TRPC1: variants seen among roughly 807,000 people sequenced by gnomAD.
TRPC1 encodes the protein transient receptor potential cation channel subfamily C member 1.
In TRPC1, 42 loss-of-function variants were observed where a neutral mutation model predicts 88.2. That is an observed-to-expected ratio of 0.48 (90% CI 0.37 to 0.62). The LOEUF (loss-of-function observed/expected upper bound fraction) is 0.62. TRPC1 is among the 20% of genes least tolerant of loss of function. The pLI, the probability that TRPC1 is intolerant of heterozygous loss-of-function variation, is 0.00. For missense variants in TRPC1, 699 were observed against 957.3 expected (o/e 0.73, Z 3.56); for synonymous variants, 288 against 331.8 (o/e 0.87, Z 1.43).
chr3:142,781,617 T>G (rs1294024050), intron 6 of TRPC1, among the ~76,000 whole-genome samples: 1 of 152,148 alleles, frequency 6.6e-6, no homozygotes, highest in Non-Finnish European at 1.5e-5. Flanking sequence ...TATTAAGAGA[T>G]ATGCCCATTT....
chr3:142,772,648 A>C (rs1935617790), intron 4 of TRPC1, among the ~76,000 whole-genome samples: 2 of 151,404 alleles, frequency 1.3e-5, no homozygotes, highest in Admixed American at 1.3e-4. Flanking sequence ...TTAGCCAGGC[A>C]TGGTGGCGCA....
intron 7 of TRPC1, among the ~76,000 whole-genome samples, chr3:142,786,407 A>G (rs1553807544): frequency 6.6e-6 from 1 of 152,146 alleles, no homozygotes; most frequent in Non-Finnish European, 1.5e-5. Context: ...AGGTAACTAG[A>G]TTGTAATTAG....
chr3:142,755,647 A>G (rs1196460112), intron 4 of TRPC1, among the ~76,000 whole-genome samples: 2 of 152,116 alleles, frequency 1.3e-5, no homozygotes, highest in Non-Finnish European at 2.9e-5. Context: ...GTTGAACCAT[A>G]TGAAATTAGT....
intron 3 of TRPC1, among the ~76,000 whole-genome samples, chr3:142,745,524 A>G (rs1934512129): frequency 6.6e-6 from 1 of 152,120 alleles, no homozygotes. Context: ...TGCACCTGTC[A>G]TCCCAGTTAC....
chr3:142,729,198 C>T (rs1225618295), intron 1 of TRPC1, among the ~76,000 whole-genome samples: 1 of 152,176 alleles, frequency 6.6e-6, no homozygotes, highest in Admixed American at 6.5e-5. Context: ...ACTAGTAATT[C>T]AGCAGCTAGC....
chr3:142,741,942 C>A (rs896196171), intron 2 of TRPC1, among the ~76,000 whole-genome samples: 1 of 152,096 alleles, frequency 6.6e-6, no homozygotes, highest in Non-Finnish European at 1.5e-5. Flanking sequence ...GTGGGTGGAT[C>A]TCTTGAGGTT....
At chr3:142,791,642 C>T (rs1422902449) in intron 8 of TRPC1, among the ~76,000 whole-genome samples, 1 of 151,838 alleles carries the variant, frequency 6.6e-6, no homozygotes, top group Non-Finnish European at 1.5e-5. Context: ...AAAATGAGAA[C>T]AAAGTAACTT....
chr3:142,751,768 C>G (rs1934773023), intron 4 of TRPC1, among the ~76,000 whole-genome samples: 1 of 152,146 alleles, frequency 6.6e-6, no homozygotes. Context: ...ACCTTAAGAA[C>G]AAACCTTTGA....
chr3:142,732,299 G>T (rs963637284), intron 1 of TRPC1, among the ~76,000 whole-genome samples: 2 of 152,142 alleles, frequency 1.3e-5, no homozygotes, highest in African/African-American at 4.8e-5. Context: ...CTGTCTTCAG[G>T]TGTTGGCTGG....
At chr3:142,747,704 T>C (rs1171979614) in intron 3 of TRPC1, among the ~76,000 whole-genome samples, 1 of 152,230 alleles carries the variant, frequency 6.6e-6, no homozygotes, top group Non-Finnish European at 1.5e-5. Context: ...TTGGCGTTTA[T>C]AGTAGGAAGT....
rs529000092 is a variant in TRPC1, at chr3:142,753,487, C to T, written c.632+5027C>T. Among the ~76,000 whole-genome samples the T allele has an allele frequency of 2.8e-4, 43 of 152,128 alleles. No individual in the cohort carries two copies. The South Asian group carries it at 3.3e-3, about 12-fold the overall frequency. ...GTTAACAAAATTAGTAAAAAGAGAC[C>T]GGGCGCGGTGGCTCACGCCTGTAAT... On this transcript the variant is annotated intron_variant, in intron 4 of 12. Coordinates refer to ENST00000476941, the MANE Select transcript of TRPC1 (RefSeq NM_001251845.2).
rs2108171797 is a variant in TRPC1 at position 142,806,182 on chromosome 3, G to A, written c.2329G>A (p.Asp777Asn). The A allele has an allele frequency of 6.2e-7, 1 of 1,613,276 alleles. No individual in the cohort carries two copies. ...DLSKFRNEIR[D>N]LLGFRTSKYA... Reference sequence around the variant, plus strand: ...GTCAAAATTCCGAAATGAAATAAGGGATTTACTTGGCTTTCGGACTTCTAA... The same window carrying A: ...GTCAAAATTCCGAAATGAAATAAGGAATTTACTTGGCTTTCGGACTTCTAA... Residue 777 changes from aspartate to asparagine, a missense_variant, in exon 13 of 13, where the codon GAT (aspartate) becomes AAT (asparagine). Around this residue, in one of 4 missense-constraint regions of TRPC1, gnomAD observed 105 missense variants for 141.7 expected, o/e 0.74. Transcript: ENST00000476941.
chr3:142,780,292 A>G (rs1369607841), intron 5 of TRPC1, among the ~76,000 whole-genome samples: 2 of 152,200 alleles, frequency 1.3e-5, no homozygotes, highest in Non-Finnish European at 2.9e-5. Context: ...GGCGCATTTT[A>G]ATATCTTTCT....
chr3:142,756,333 A>G (rs1934961208), intron 4 of TRPC1, among the ~76,000 whole-genome samples: 1 of 150,792 alleles, frequency 6.6e-6, no homozygotes, highest in South Asian at 2.1e-4. Flanking sequence ...AAACAGTTTA[A>G]CATTTTTACT....
At chr3:142,786,241 A>AAGT (rs1178100363) in intron 7 of TRPC1, among the ~76,000 whole-genome samples, 2 of 152,304 alleles carry the variant, frequency 1.3e-5, no homozygotes, top group South Asian at 4.1e-4. Context: ...CTATGGCACA[A>AAGT]AGTACTGAGT....
chr3:142,749,020 A>G (rs1050722091), intron 4 of TRPC1, among the ~76,000 whole-genome samples: 5 of 152,214 alleles, frequency 3.3e-5, no homozygotes, highest in African/African-American at 1.2e-4. Flanking sequence ...TATAAGATAC[A>G]TGGTGCTGGA....
chr3:142,783,129 A>G (rs1464434137), intron 6 of TRPC1, among the ~76,000 whole-genome samples: 1 of 152,234 alleles, frequency 6.6e-6, no homozygotes, highest in Admixed American at 6.5e-5. Context: ...GACTTAGAAC[A>G]TTTCTAGTTA....
chr3:142,755,481 T>C (rs1934930625), intron 4 of TRPC1, among the ~76,000 whole-genome samples: 1 of 152,174 alleles, frequency 6.6e-6, no homozygotes. Context: ...GAAACTAGTC[T>C]CATCAATGGC....
At chr3:142,786,077 A>C (rs1183364835) in intron 7 of TRPC1, among the ~76,000 whole-genome samples, 1 of 151,938 alleles carries the variant, frequency 6.6e-6, no homozygotes, top group Admixed American at 6.6e-5. Flanking sequence ...GCGTGTGGAG[A>C]GTTGAGGTAG....
Sources: allele counts gnomAD v4.1 joint callset (sites outside exome capture counted in the v4.1 genomes callset), GRCh38; gene constraint gnomAD v4.1.1; regional missense constraint gnomAD v4.1.1; transcripts MANE v1.5; gene names NCBI Gene and HGNC (gene_info 2026-07-23, HGNC 2026-07-21).